The following WWC2 variants were observed in gnomAD, a reference collection of about 807,000 sequenced individuals.
WWC2 encodes protein WWC2.
WWC2 carries 101 observed loss-of-function variants against 138.5 expected under a neutral mutation model. The observed-to-expected ratio is 0.73, with a 90% CI of 0.62 to 0.86. The LOEUF is 0.86. Ranked by LOEUF, WWC2 falls within the 40% of genes least tolerant of loss-of-function variation. WWC2 has a pLI of 0.00. For missense variants in WWC2, 1,420 were observed against 1,419.4 expected, an observed-to-expected ratio of 1.00 and a Z score of -0.01; for synonymous variants, 558 against 538.4, an observed-to-expected ratio of 1.04 and a Z score of -0.50.
At chr4:183,132,104 A>G (rs1732944947) in intron 1 of WWC2, among the ~76,000 whole-genome samples, 1 of 152,208 alleles carries the variant, frequency 6.6e-6, no homozygotes, top group East Asian at 1.9e-4. Flanking sequence ...TATAATATTG[A>G]TAACAAATCT....
At position 183,208,006 on chromosome 4, in the gene WWC2, A is replaced by T. The variant is rs765583179; in HGVS notation, c.295A>T (p.Met99Leu). Residue 99 changes from methionine to leucine, a missense_variant, in exon 3 of 23, where the codon ATG becomes TTG. By Grantham distance (15) the Met-to-Leu change is conservative. Transcript: ENST00000403733. ...ACAATGGAGGGGGGAACAGGAGAAG[A>T]TGCTCAAGGACTACCTCTCTGTGGC... is the stretch of plus-strand genomic sequence containing the variant. Reference protein sequence around the residue: ...RKQWRGEQEKMLKDYLSVAQD... With the variant: ...RKQWRGEQEKLLKDYLSVAQD... 1.2e-5 allele frequency: 20 copies of T among 1,613,512 alleles called. No individual in the cohort carries two copies. The Admixed American group carries it at 3.2e-4, about 26-fold the overall frequency.
At chr4:183,202,456 A>T (rs2111228624) in intron 2 of WWC2, among the ~76,000 whole-genome samples, 1 of 152,332 alleles carries the variant, frequency 6.6e-6, no homozygotes, top group Non-Finnish European at 1.5e-5. Context: ...TGGAAAGTGC[A>T]ACATTATGTG....
chr4:183,113,452 T>C, intron 1 of WWC2, among the ~76,000 whole-genome samples: 1 of 151,134 alleles, frequency 6.6e-6, no homozygotes, highest in Non-Finnish European at 1.5e-5. Context: ...ATTGGAGAGT[T>C]TTCAATTGAA....
chr4:183,178,027 A>G (rs1734514185), intron 1 of WWC2, among the ~76,000 whole-genome samples: 1 of 152,228 alleles, frequency 6.6e-6, no homozygotes, highest in African/African-American at 2.4e-5. Flanking sequence ...CCCTGCTAAC[A>G]GCATCACTAT....
chr4:183,195,737 G>C (rs1172155397), intron 2 of WWC2, among the ~76,000 whole-genome samples: 1 of 152,088 alleles, frequency 6.6e-6, no homozygotes, highest in Non-Finnish European at 1.5e-5. Context: ...TGCCAACTGT[G>C]GTTGCCTCCT....
At chr4:183,237,784 C>T (rs1736472606) in intron 4 of WWC2, among the ~76,000 whole-genome samples, 1 of 152,162 alleles carries the variant, frequency 6.6e-6, no homozygotes, top group Non-Finnish European at 1.5e-5. Context: ...ATGAGTATTA[C>T]ACCGCTCTTG....
chr4:183,178,648 A>G (rs943365103), intron 1 of WWC2, among the ~76,000 whole-genome samples: 2 of 151,818 alleles, frequency 1.3e-5, no homozygotes, highest in African/African-American at 4.8e-5. Context: ...CCCACAAGCT[A>G]TTAAGGCTGA....
At chr4:183,303,110 C>T (rs1045527450) in intron 21 of WWC2, among the ~76,000 whole-genome samples, 2 of 141,942 alleles carry the variant, frequency 1.4e-5, no homozygotes, top group African/African-American at 5.2e-5. Context: ...ATGGAGATAA[C>T]AACTGTTTTT....
intron 14 of WWC2, among the ~76,000 whole-genome samples, chr4:183,267,868 A>G (rs570526702): frequency 6.6e-6 from 1 of 152,348 alleles, no homozygotes; most frequent in African/African-American, 2.4e-5. Flanking sequence ...ACACTGCTAA[A>G]CATGACAGCT....
At chr4:183,238,082 T>C (rs934426789) in intron 4 of WWC2, among the ~76,000 whole-genome samples, 7 of 152,224 alleles carry the variant, frequency 4.6e-5, no homozygotes, top group Admixed American at 4.6e-4. Context: ...GTCCAGACAC[T>C]TCTGAACATC....
At chr4:183,258,595 G>T (rs754604714) in intron 9 of WWC2, among the ~76,000 whole-genome samples, 2 of 152,176 alleles carry the variant, frequency 1.3e-5, no homozygotes, top group African/African-American at 2.4e-5. Flanking sequence ...GAACAAGTCA[G>T]ATTTGTTTTT....
At chr4:183,168,755 A>G (rs1580007049) in intron 1 of WWC2, among the ~76,000 whole-genome samples, 2 of 152,348 alleles carry the variant, frequency 1.3e-5, no homozygotes, top group South Asian at 4.1e-4. Flanking sequence ...TACCATTCTC[A>G]TTCAGTGAAA....
At chr4:183,271,419 G>A (rs1737691947) in intron 16 of WWC2, among the ~76,000 whole-genome samples, 178 bp downstream of exon 16, 1 of 152,032 alleles carries the variant, frequency 6.6e-6, no homozygotes, top group African/African-American at 2.4e-5. Flanking sequence ...AAAAAAGAAA[G>A]TTAATTTCCA....
intron 1 of WWC2, among the ~76,000 whole-genome samples, chr4:183,145,075 C>T (rs1397945457): frequency 6.6e-6 from 1 of 152,196 alleles, no homozygotes; most frequent in African/African-American, 2.4e-5. Context: ...AAGGCGTTAT[C>T]AATTTAGCAA....
At chr4:183,261,564 C>G in intron 11 of WWC2, 32 bp downstream of exon 11, 1 of 1,573,924 alleles carries the variant, frequency 6.4e-7, no homozygotes, top group South Asian at 1.2e-5. Flanking sequence ...CATGTATTCC[C>G]TGTTAGTGAT....
At chr4:183,194,181 C>T (rs761512054) in intron 2 of WWC2, among the ~76,000 whole-genome samples, 1 of 152,206 alleles carries the variant, frequency 6.6e-6, no homozygotes, top group Non-Finnish European at 1.5e-5. Flanking sequence ...TCCTAAACCT[C>T]TTCCTTTTTT....
At chr4:183,305,822 G>A (rs1247958568) in intron 21 of WWC2, among the ~76,000 whole-genome samples, 6 of 152,114 alleles carry the variant, frequency 3.9e-5, no homozygotes, top group African/African-American at 1.2e-4. Context: ...GTAAACAAAG[G>A]AAGAGCATTG....
chr4:183,307,868 A>T (rs1739074022), intron 21 of WWC2, among the ~76,000 whole-genome samples: 1 of 152,172 alleles, frequency 6.6e-6, no homozygotes, highest in Admixed American at 6.5e-5. Context: ...TAATGCAATA[A>T]GAAAAGAAAA....
chr4:183,169,995 A>T (rs1169317204), intron 1 of WWC2, among the ~76,000 whole-genome samples: 1 of 152,224 alleles, frequency 6.6e-6, no homozygotes, highest in Admixed American at 6.5e-5. Flanking sequence ...GAGCTTCAAA[A>T]GAACAGTATC....
Sources: allele counts gnomAD v4.1 joint callset (sites outside exome capture counted in the v4.1 genomes callset), GRCh38; gene constraint gnomAD v4.1.1; transcripts MANE v1.5; gene names NCBI Gene and HGNC (gene_info 2026-07-23, HGNC 2026-07-21).